The following ADAD2 variants were observed in gnomAD, a reference collection of about 807,000 sequenced individuals.
ADAD2 encodes adenosine deaminase domain containing 2, also known as adenosine deaminase domain-containing protein 2.
ADAD2 carries 60 observed loss-of-function variants against 54.5 expected under a neutral mutation model. The ratio of observed to expected loss-of-function variants is 1.10; its 90% CI spans 0.89 to 1.36. The LOEUF is 1.36. Among genes scored for constraint, ADAD2 ranks in the 40% most tolerant of loss-of-function variants. The probability of loss-of-function intolerance (pLI) is 0.00; values close to 1 mark genes in which losing one functional copy is unlikely to be tolerated. For missense variants in ADAD2, 1,103 were observed against 801.3 expected (o/e 1.38, Z -4.54); for synonymous variants, 543 against 366.2 (o/e 1.48, Z -5.51).
At position 84,196,473 on chromosome 16, in the gene ADAD2, CT is replaced by C; in HGVS notation, c.1526+104del. The C allele has an allele frequency of 5.5e-6, 4 of 724,774 alleles. No individual in the cohort carries two copies. In the South Asian group the frequency reaches 7.3e-5, roughly 13 times the overall value. The allele number at this position is 724,774 out of a possible 1,614,324, so 44.9% of individuals were successfully genotyped here. On this transcript the variant is annotated intron_variant, in intron 8 of 9. Transcript: ENST00000315906. The stretch of plus-strand genomic sequence containing the variant: ...GTCTAATCCCAGCGCAACCCCTTCG[CT>C]CAACCCCTTCGCTCAACCCCTTCCT...
rs141628070 is a variant in ADAD2, at chr16:84,194,317, G to A, written c.419-125G>A. 7.5e-4 allele frequency: 1,161 copies of A among 1,545,602 alleles called. 9 individuals are homozygous for A. The highest frequency in any genetic ancestry group is 4.1e-4 in the Non-Finnish European group (467 of 1,143,084). On this transcript the variant is annotated intron_variant, in intron 1 of 9. Transcript: ENST00000315906. ...TGGCGATGGAGCCTGCTGGAGGAAG[G>A]GAAGGGTGGTGAGGGTCTCATTATT...
chr16:84,195,425 T>G lies in ADAD2; in HGVS notation c.863T>G (p.Ile288Ser), dbSNP rs1286971858. 6.2e-7 allele frequency: 1 copy of G among 1,609,690 alleles called. No homozygotes were observed. Among genetic ancestry groups the G allele is most frequent in the Non-Finnish European group, 8.5e-7 (1 of 1,179,584 alleles). Residue 288 changes from isoleucine (I) to serine (S), a missense_variant, in exon 5 of 10, where the codon ATC becomes AGC. Transcript: ENST00000315906. ...CTCCACGACTGCCATGGCCTGGTCATCGCCCGCAGGGCCCTGCTGAGGTGA... is the reference window on the plus strand; with the variant it reads ...CTCCACGACTGCCATGGCCTGGTCAGCGCCCGCAGGGCCCTGCTGAGGTGA... ...QQLHDCHGLV[I>S]ARRALLRFLF...
chr16:84,193,070 TC>T (rs2089676546), intron 1 of ADAD2: 1 of 152,052 alleles, frequency 6.6e-6, no homozygotes, highest in South Asian at 2.1e-4. Context: ...GGTCTTGAGT[TC>T]CTGTCCTCAG....
Position 84,195,662 on chromosome 16 carries a change from C to T in ADAD2, c.1017C>T (p.Ile339=). ...CCCGCGTCTTCCTGCACCTCTACAT[C>T]AGCAACACCCCCAAGGGCGCGGCCC... is the stretch of plus-strand genomic sequence containing the variant. ...LKPRVFLHLY[I]SNTPKGAARD... is the part of the protein sequence containing the mutation. Residue 339 remains isoleucine, a synonymous_variant, in exon 6 of 10, where the codon ATC becomes ATT. Transcript: ENST00000315906. 1 of 1,584,130 alleles carries T rather than the reference C, an allele frequency of 6.3e-7. No individual in the cohort carries two copies. Among genetic ancestry groups the T allele is most frequent in the Non-Finnish European group, 8.6e-7 (1 of 1,167,986 alleles).
intron 1 of ADAD2, chr16:84,194,112 G>A: frequency 6.2e-7 from 1 of 1,614,090 alleles, no homozygotes; most frequent in Non-Finnish European, 8.5e-7. Context: ...GGTGGCGTGG[G>A]CTCTGGAGAG....
rs781673978 is a variant in ADAD2, at chr16:84,191,371, C to T, written c.141C>T (p.Pro47=). The T allele has an allele frequency of 4.7e-5, 72 of 1,531,038 alleles. No individual in the cohort carries two copies. Among genetic ancestry groups the T allele is most frequent in the Non-Finnish European group, 5.2e-5 (59 of 1,143,964 alleles). The allele number at this position is 1,531,038 out of a possible 1,614,324, so 94.8% of individuals were successfully genotyped here. A position where few individuals can be genotyped will look rare whatever the true frequency, so the allele number is the denominator to read the frequency against. ...CCCAAAGTGCCTGGGGGCCCGCGCC[C>T]GCGCCCGCGACGTATCGCGCGGAGG... ...AQAQSAWGPA[P]APATYRAEGG... The change falls in exon 1 of 10, where the codon CCC becomes CCT. Residue 47 remains proline (P), a synonymous_variant. Coordinates refer to ENST00000315906, the MANE Select transcript of ADAD2 (RefSeq NM_001145400.2).
Position 84,195,166 on chromosome 16 carries a change from G to T in ADAD2, c.705G>T (p.Gly235=), listed in dbSNP as rs370828313. ...DERSPYWACK[G]TVAGVILERE... ...GCTCGCCATACTGGGCCTGTAAGGG[G>T]ACTGTGGCTGGAGTCATCCTGGAGA... Residue 235 remains glycine, a synonymous_variant, in exon 4 of 10, where the codon GGG becomes GGT. Transcript: ENST00000315906. 2.0e-5 allele frequency: 33 copies of T among 1,613,326 alleles called. No homozygotes were observed. The Middle Eastern group carries it at 4.9e-4, about 24-fold the overall frequency.
At chr16:84,194,321 G>A (rs984552743) in intron 1 of ADAD2, 121 bp from the exon 2 acceptor site, 1 of 1,543,218 alleles carries the variant, frequency 6.5e-7, no homozygotes, top group Non-Finnish European at 8.8e-7. Flanking sequence ...AGGAAGGGAA[G>A]GGTGGTGAGG....
intron 1 of ADAD2, chr16:84,194,147 C>G (rs761809635): frequency 6.2e-7 from 1 of 1,612,038 alleles, no homozygotes; most frequent in Non-Finnish European, 8.5e-7. Context: ...GGTCCTGACT[C>G]AAGTTGGGCA....
Position 84,197,139 on chromosome 16 carries a change from G to C in ADAD2, c.*165G>C. The C allele has an allele frequency of 4.5e-6, 3 of 664,972 alleles. No homozygotes were observed. The South Asian group carries it at 5.7e-5, about 13-fold the overall frequency. The allele number at this position is 664,972 out of a possible 1,614,324, so 41.2% of individuals were successfully genotyped here. A position where few individuals can be genotyped will look rare whatever the true frequency, so the allele number is the denominator to read the frequency against. On this transcript the variant is annotated 3_prime_UTR_variant, in exon 10 of 10. Coordinates refer to ENST00000315906, the MANE Select transcript of ADAD2 (RefSeq NM_001145400.2). ...GTTGGGAGGCGGCTGCTGCACGTTT[G>C]GGCTTGAATAAAGAAGTATTTCTGG...
rs1335801333 is a variant in ADAD2 at position 84,196,759 on chromosome 16, G to T, written c.1639G>T (p.Ala547Ser). Residue 547 changes from alanine to serine, a missense_variant, in exon 9 of 10, where the codon GCT becomes TCT. Physicochemically the swap from Ala to Ser is moderately conservative, Grantham distance 99. Coordinates refer to ENST00000315906, the MANE Select transcript of ADAD2 (RefSeq NM_001145400.2). The part of the protein sequence containing the change: ...PYLLALKTYE[A>S]AKAGPYQEAR... ...CCTCCTGGCCTTGAAGACCTACGAG[G>T]CTGCCAAGGTTGGTTCCCCACCCTC... The T allele has an allele frequency of 6.2e-7, 1 of 1,611,226 alleles. No homozygotes were observed. The highest frequency in any genetic ancestry group is 1.1e-5 in the South Asian group (1 of 91,002).
intron 1 of ADAD2, 94 bp from the exon 2 acceptor site, chr16:84,194,348 C>T (rs745921080): frequency 9.1e-6 from 14 of 1,545,032 alleles, no homozygotes; most frequent in African/African-American, 2.7e-5. Flanking sequence ...TTATTCTGAC[C>T]GTCCTCGATA....
chr16:84,195,037 C>T (rs1177785990), intron 3 of ADAD2, 32 bp from the exon 4 acceptor site: 2 of 1,612,470 alleles, frequency 1.2e-6, no homozygotes, highest in African/African-American at 2.7e-5. Flanking sequence ...GCGTGGGCCC[C>T]CTTCTACCTG....
rs1171365652 is a variant in ADAD2 at position 84,191,485 on chromosome 16, A to T, written c.255A>T (p.Glu85Asp). The change falls in exon 1 of 10, where the codon GAA becomes GAT. Residue 85 changes from glutamate (E) to aspartate (D), a missense_variant. Physicochemically the swap from Glu to Asp is conservative, Grantham distance 45. Coordinates refer to ENST00000315906, the MANE Select transcript of ADAD2 (RefSeq NM_001145400.2). ...VGELGAARAWENLGEQMGKAP... is the reference protein window; with the variant it reads ...VGELGAARAWDNLGEQMGKAP... ...AACTGGGGGCAGCCCGGGCGTGGGA[A>T]AACTTGGGGGAACAGATGGGGAAGG... The T allele has an allele frequency of 6.5e-7, 1 of 1,539,574 alleles. No individual in the cohort carries two copies. The highest frequency in any genetic ancestry group is 2.0e-5 in the Admixed American group (1 of 49,536).
chr16:84,196,773 T>C lies in ADAD2; in HGVS notation c.1647+6T>C. The C allele has an allele frequency of 6.2e-7, 1 of 1,606,400 alleles. No homozygotes were observed. Among genetic ancestry groups the C allele is most frequent in the Admixed American group, 1.7e-5 (1 of 59,782 alleles). ...AGACCTACGAGGCTGCCAAGGTTGG[T>C]TCCCCACCCTCCCCCCGTCCCGGTC... On this transcript the variant is annotated splice_donor_region_variant and intron_variant, in intron 9 of 9. Transcript: ENST00000315906.
chr16:84,195,738 T>C, intron 6 of ADAD2, 41 bp downstream of exon 6: 1 of 1,529,554 alleles, frequency 6.5e-7, no homozygotes, highest in African/African-American at 1.4e-5. Context: ...TGGGGCTCCC[T>C]CGGTTGGGCT....
intron 1 of ADAD2, chr16:84,193,178 A>T (rs1028626007): frequency 6.6e-6 from 1 of 150,910 alleles, no homozygotes; most frequent in Non-Finnish European, 1.5e-5. Context: ...CTACAATACA[A>T]TTATCAAATC....
intron 8 of ADAD2, 96 bp from the exon 9 acceptor site, chr16:84,196,548 CATT>C: frequency 6.4e-7 from 1 of 1,561,740 alleles, no homozygotes; most frequent in Non-Finnish European, 8.7e-7. Flanking sequence ...AGTCCTGTGA[CATT>C]GTCACAGTGT....
intron 1 of ADAD2, 121 bp from the exon 2 acceptor site, chr16:84,194,321 G>T: frequency 6.5e-7 from 1 of 1,543,218 alleles, no homozygotes; most frequent in Non-Finnish European, 8.8e-7. Flanking sequence ...AGGAAGGGAA[G>T]GGTGGTGAGG....
Sources: gnomAD v4.1 joint callset for allele counts on GRCh38, gnomAD v4.1.1 for gene constraint, MANE v1.5 for transcripts, NCBI Gene and HGNC (gene_info 2026-07-23, HGNC 2026-07-21) for gene names.